The following EYS variants were observed in gnomAD, a reference collection of about 807,000 sequenced individuals.
The protein encoded by EYS is protein eyes shut homolog.
A neutral mutation model predicts 282.1 loss-of-function variants in EYS; 250 were observed. The ratio of observed to expected loss-of-function variants is 0.89; its 90% confidence interval spans 0.80 to 0.98. The LOEUF (loss-of-function observed/expected upper bound fraction) is 0.98. Ranked by LOEUF, EYS falls within the 50% of genes least tolerant of loss-of-function variation. The pLI, the probability that EYS is intolerant of heterozygous loss-of-function variation, is 0.00. For synonymous variants in EYS, 1,355 were observed against 1,282.9 expected (o/e 1.06, Z -1.20); for missense variants, 4,016 against 3,709.0 (o/e 1.08, Z -2.15).
chr6:64,982,342 ATAACT>A (rs1231805080), intron 14 of EYS, among the ~76,000 whole-genome samples: 1 of 151,420 alleles, frequency 6.6e-6, no homozygotes, highest in Non-Finnish European at 1.5e-5. Context: ...ATCAATTATA[ATAACT>A]TAAATATGCC....
intron 35 of EYS, among the ~76,000 whole-genome samples, chr6:63,968,467 C>G (rs1309128513): frequency 6.6e-6 from 1 of 151,540 alleles, no homozygotes; most frequent in African/African-American, 2.4e-5. Context: ...TTTTCTTACT[C>G]CAAAAAGTGA....
intron 35 of EYS, among the ~76,000 whole-genome samples, chr6:63,968,989 A>G (rs1384053811): frequency 6.6e-6 from 1 of 152,246 alleles, no homozygotes; most frequent in Non-Finnish European, 1.5e-5. Flanking sequence ...ATAGCATAAT[A>G]CATCAAAATT....
chr6:64,291,721 ATTTTC>A (rs1486919194), intron 30 of EYS, among the ~76,000 whole-genome samples: 2 of 151,938 alleles, frequency 1.3e-5, no homozygotes, highest in Non-Finnish European at 2.9e-5. Context: ...CTTTGTCTCT[ATTTTC>A]TTTTATTTTA....
intron 13 of EYS, among the ~76,000 whole-genome samples, chr6:65,026,369 T>C (rs1772408294): frequency 1.3e-5 from 2 of 152,198 alleles, no homozygotes; most frequent in Admixed American, 6.5e-5. Context: ...TTCTAAACTT[T>C]CTTAACAGAA....
At chr6:64,237,325 G>A (rs1441839565) in intron 30 of EYS, among the ~76,000 whole-genome samples, 3 of 152,088 alleles carry the variant, frequency 2.0e-5, no homozygotes, top group Admixed American at 6.6e-5. Context: ...CCTTTTGCAG[G>A]TAATGTATAG....
intron 28 of EYS, among the ~76,000 whole-genome samples, chr6:64,415,661 A>G (rs1438627499): frequency 6.6e-6 from 1 of 152,154 alleles, no homozygotes; most frequent in Non-Finnish European, 1.5e-5. Flanking sequence ...CCATTATTTT[A>G]AGCTGCAAAG....
intron 5 of EYS, among the ~76,000 whole-genome samples, chr6:65,417,323 T>A (rs948714214): frequency 5.9e-5 from 9 of 152,056 alleles, no homozygotes; most frequent in Admixed American, 2.6e-4. Context: ...CAAATACCAT[T>A]TAAGTAAAGT....
At chr6:64,934,907 A>G (rs1768854495) in intron 15 of EYS, among the ~76,000 whole-genome samples, 2 of 151,864 alleles carry the variant, frequency 1.3e-5, no homozygotes, top group Non-Finnish European at 2.9e-5. Context: ...TTTTCTCTGT[A>G]TATGATTTAA....
chr6:65,483,227 T>A (rs1208687312), intron 5 of EYS, among the ~76,000 whole-genome samples: 1 of 152,120 alleles, frequency 6.6e-6, no homozygotes, highest in Admixed American at 6.5e-5. Context: ...TTTCACAATA[T>A]GTGAAATATC....
At chr6:65,173,383 G>A (rs1765149881) in intron 12 of EYS, among the ~76,000 whole-genome samples, 1 of 151,062 alleles carries the variant, frequency 6.6e-6, no homozygotes, top group African/African-American at 2.4e-5. Context: ...TCTAAAATAT[G>A]AATCAGAAGA....
At position 64,637,240 on chromosome 6, in the gene EYS, A is replaced by G. The variant is rs1467567633; in HGVS notation, c.3444-10995T>C. Among the ~76,000 whole-genome samples, 4 of 91,410 alleles carry G rather than the reference A, an allele frequency of 4.4e-5. 2 individuals carry two copies. Among genetic ancestry groups the G allele is most frequent in the African/African-American group, 1.7e-4 (4 of 23,940 alleles). 60.0% of individuals were successfully genotyped at this position (91,410 alleles called of 152,430 possible). ...TGGATTGAGAAAATGTGGCATATAT[A>G]CACCATGGAATACTATGCAGCCATA... On this transcript the variant is annotated intron_variant, in intron 22 of 42. Transcript: ENST00000503581.
At chr6:64,494,518 C>G (rs1776833755) in intron 26 of EYS, among the ~76,000 whole-genome samples, 1 of 151,612 alleles carries the variant, frequency 6.6e-6, no homozygotes, top group South Asian at 2.1e-4. Flanking sequence ...ACTCCTTTCT[C>G]TCACACTTAG....
chr6:64,224,908 A>G (rs535029919), intron 31 of EYS, among the ~76,000 whole-genome samples: 1 of 152,150 alleles, frequency 6.6e-6, no homozygotes, highest in East Asian at 1.9e-4. Context: ...TCTAGTTACT[A>G]TTTCACAAGC....
At chr6:63,971,522 G>A (rs568024919) in intron 35 of EYS, among the ~76,000 whole-genome samples, 41 of 152,232 alleles carry the variant, frequency 2.7e-4, no homozygotes, top group African/African-American at 9.6e-4. Flanking sequence ...GTGATCTTCA[G>A]TTTTCTCCAT....
At chr6:65,605,009 AT>A (rs10626958) in intron 2 of EYS, among the ~76,000 whole-genome samples, 247 of 136,656 alleles carry the variant, frequency 1.8e-3, no homozygotes, top group Middle Eastern at 3.8e-3. Flanking sequence ...ATGCCCAGCT[AT>A]TTTTTTTTTT....
At chr6:64,783,478 C>T (rs1773925647) in intron 22 of EYS, among the ~76,000 whole-genome samples, 1 of 151,936 alleles carries the variant, frequency 6.6e-6, no homozygotes, top group South Asian at 2.1e-4. Flanking sequence ...TTTATATCTT[C>T]ATTATGTGCT....
intron 2 of EYS, among the ~76,000 whole-genome samples, chr6:65,632,313 C>T (rs1766945149): frequency 6.6e-6 from 1 of 152,206 alleles, no homozygotes; most frequent in Admixed American, 6.5e-5. Context: ...TCCTGATTTC[C>T]ACTTGACAAG....
intron 31 of EYS, among the ~76,000 whole-genome samples, chr6:64,213,282 T>TAA (rs5876883): frequency 1.3e-5 from 2 of 151,792 alleles, no homozygotes; most frequent in African/African-American, 4.8e-5. Flanking sequence ...CAAATACATA[T>TAA]AAAAAAACCT....
intron 30 of EYS, among the ~76,000 whole-genome samples, chr6:64,268,942 G>A (rs1476898886): frequency 6.6e-6 from 1 of 152,098 alleles, no homozygotes; most frequent in Non-Finnish European, 1.5e-5. Context: ...CTTTGCAAAA[G>A]ATAATTTATA....
Sources: gnomAD v4.1 joint callset for allele counts (sites outside exome capture counted in the v4.1 genomes callset) on GRCh38, gnomAD v4.1.1 for gene constraint, MANE v1.5 for transcripts, NCBI Gene and HGNC (gene_info 2026-07-23, HGNC 2026-07-21) for gene names.